Variants in DENND5B observed in about 807,000 individuals in gnomAD.
DENND5B encodes the protein DENN domain-containing protein 5B.
Under a neutral mutation model 140.6 loss-of-function variants are expected in DENND5B, and 34 were observed. The observed-to-expected ratio is 0.24, with a 90% CI of 0.18 to 0.32. The LOEUF (loss-of-function observed/expected upper bound fraction) is 0.32. Ranked by LOEUF, DENND5B falls within the 10% of genes least tolerant of loss-of-function variation. The pLI is 1.00. For synonymous variants in DENND5B, 551 were observed against 562.1 expected (o/e 0.98, Z 0.28); for missense variants, 1,142 against 1,560.2 (o/e 0.73, Z 4.52).
intron 8 of DENND5B, 42 bp from the exon 9 acceptor site, chr12:31,426,466 A>T (rs780875474): frequency 6.3e-7 from 1 of 1,578,714 alleles, no homozygotes; most frequent in Admixed American, 1.8e-5. Flanking sequence ...AACATTAGCT[A>T]TTCTTCTAAT....
At position 31,580,398 on chromosome 12, in the gene DENND5B, T is replaced by TAA. The variant is rs1950176833; in HGVS notation, c.127+10307_127+10308insTT. ...CACAAAGCTGTTAGATACCTTTTTT[T>TAA]AGAAATCATTTATCCATTATCTTGC... On this transcript the variant is annotated intron_variant, in intron 1 of 20. Transcript: ENST00000389082. 6.6e-5 allele frequency among the ~76,000 whole-genome samples: 10 copies of TAA among 152,342 alleles called. 1 individual carries two copies. The South Asian group carries it at 2.1e-3, about 32-fold the overall frequency.
chr12:31,460,058 T>C (rs1466958347), intron 4 of DENND5B, 136 bp downstream of exon 4: 2 of 808,924 alleles, frequency 2.5e-6, no homozygotes, highest in Non-Finnish European at 3.8e-6. Context: ...GCTCAGGCTC[T>C]CCCCTAGCCA....
intron 1 of DENND5B, among the ~76,000 whole-genome samples, chr12:31,539,406 GACATATT>G (rs1054803889): frequency 1.1e-4 from 17 of 151,718 alleles, no homozygotes; most frequent in Non-Finnish European, 2.1e-4. Flanking sequence ...CAAAATCAAA[GACATATT>G]ACATATTAAA....
At chr12:31,473,719 G>A (rs776936995) in intron 3 of DENND5B, among the ~76,000 whole-genome samples, 13 of 152,170 alleles carry the variant, frequency 8.5e-5, no homozygotes, top group Admixed American at 6.5e-5. Context: ...ATAAAACAAT[G>A]CTGAAACTTG....
intron 1 of DENND5B, among the ~76,000 whole-genome samples, chr12:31,546,863 C>T (rs1592021790): frequency 6.6e-6 from 1 of 152,214 alleles, no homozygotes; most frequent in East Asian, 1.9e-4. Flanking sequence ...ATTCGACAAC[C>T]GCAACCAAAA....
chr12:31,570,290 T>C (rs1322020635), intron 1 of DENND5B, among the ~76,000 whole-genome samples: 5 of 151,446 alleles, frequency 3.3e-5, no homozygotes, highest in Admixed American at 6.6e-5. Flanking sequence ...TTTTTTTTTT[T>C]TTAAGAGACG....
intron 1 of DENND5B, among the ~76,000 whole-genome samples, chr12:31,587,464 A>G (rs1411389036): frequency 6.9e-6 from 1 of 145,870 alleles, no homozygotes; most frequent in African/African-American, 2.5e-5. Context: ...TTCAACATCT[A>G]TCTAGAATCT....
intron 6 of DENND5B, 139 bp downstream of exon 6, chr12:31,447,399 A>G (rs763097008): frequency 6.9e-6 from 5 of 725,896 alleles, no homozygotes; most frequent in Non-Finnish European, 1.1e-5. Flanking sequence ...AAAATTTACA[A>G]AGCATTTCGT....
rs1049241465 is a variant in DENND5B at position 31,382,320 on chromosome 12, A to T, written c.*5283T>A. 1 of 152,182 alleles carries T rather than the reference A, an allele frequency of 6.6e-6. No homozygotes were observed. The highest frequency in any genetic ancestry group is 6.5e-5 in the Admixed American group (1 of 15,270). 9.4% of individuals were successfully genotyped at this position (152,182 alleles called of 1,614,324 possible). A position where few individuals can be genotyped will look rare whatever the true frequency, so the allele number is the denominator to read the frequency against. ...TGAAAAACCCACGTCAGTTTGTCTG[A>T]TATGTATGTTAAAGTGCTTAATATC... On this transcript the variant is annotated 3_prime_UTR_variant, in exon 21 of 21. Transcript: ENST00000389082.
chr12:31,552,571 G>T (rs919011771), intron 1 of DENND5B, among the ~76,000 whole-genome samples: 4 of 152,174 alleles, frequency 2.6e-5, no homozygotes, highest in African/African-American at 9.7e-5. Context: ...GATGATGCTG[G>T]CCTCATAAAA....
intron 1 of DENND5B, among the ~76,000 whole-genome samples, chr12:31,566,003 G>A (rs891081211): frequency 2.6e-5 from 4 of 151,936 alleles, no homozygotes; most frequent in East Asian, 1.9e-4. Context: ...AAATTAGCTG[G>A]GCATGGTGGC....
chr12:31,461,244 T>C (rs1358436062), intron 3 of DENND5B, among the ~76,000 whole-genome samples: 1 of 152,182 alleles, frequency 6.6e-6, no homozygotes, highest in Admixed American at 6.5e-5. Context: ...TTTTAGCCTT[T>C]ATTTTGGGGG....
chr12:31,438,884 A>C (rs562816204), intron 7 of DENND5B, among the ~76,000 whole-genome samples: 48 of 152,336 alleles, frequency 3.2e-4, no homozygotes, highest in African/African-American at 1.1e-3. Context: ...AACGAAAAGG[A>C]AGGCACAAAA....
rs1196865857 is a variant in DENND5B at position 31,389,404 on chromosome 12, G to A, written c.3561C>T (p.His1187=). 2 of 1,612,712 alleles carry A rather than the reference G, an allele frequency of 1.2e-6. No homozygotes were observed. Among genetic ancestry groups the A allele is most frequent in the African/African-American group, 2.7e-5 (2 of 74,914 alleles). The change falls in exon 20 of 21, where the codon CAC becomes CAT. Residue 1187 remains histidine, a synonymous_variant. Coordinates refer to ENST00000389082, the MANE Select transcript of DENND5B (RefSeq NM_144973.4). ...GTGCAGTATTAATAGCATTTACGTA[G>A]TGGCAGAAGGTTTTGCAGGATGATT... The part of the protein sequence containing the change: ...IQKSSCKTFC[H]YVNAINTAPR...
intron 11 of DENND5B, among the ~76,000 whole-genome samples, chr12:31,416,178 A>T (rs1006016385): frequency 6.6e-6 from 1 of 152,040 alleles, no homozygotes; most frequent in Non-Finnish European, 1.5e-5. Context: ...TGCTTTTGGA[A>T]ATTTTAAATG....
At chr12:31,446,310 G>A (rs1245103876) in intron 6 of DENND5B, among the ~76,000 whole-genome samples, 2 of 151,868 alleles carry the variant, frequency 1.3e-5, no homozygotes, top group African/African-American at 4.8e-5. Context: ...CACCACACCT[G>A]GCTAATTTTT....
At chr12:31,502,618 A>C (rs1947053020) in intron 1 of DENND5B, among the ~76,000 whole-genome samples, 1 of 152,116 alleles carries the variant, frequency 6.6e-6, no homozygotes, top group South Asian at 2.1e-4. Flanking sequence ...CTTTCTTTTA[A>C]ATAGTCAATA....
At chr12:31,419,002 C>T (rs1413899192) in intron 11 of DENND5B, among the ~76,000 whole-genome samples, 1 of 152,052 alleles carries the variant, frequency 6.6e-6, no homozygotes, top group Non-Finnish European at 1.5e-5. Flanking sequence ...GAAATGAATG[C>T]AGTAATTTAT....
At chr12:31,416,239 A>G (rs997801143) in intron 11 of DENND5B, among the ~76,000 whole-genome samples, 3 of 152,098 alleles carry the variant, frequency 2.0e-5, no homozygotes, top group African/African-American at 4.8e-5. Flanking sequence ...AATTTTGGCC[A>G]TAAGGACCAG....
Sources: allele counts gnomAD v4.1 joint callset (sites outside exome capture counted in the v4.1 genomes callset), GRCh38; gene constraint gnomAD v4.1.1; transcripts MANE v1.5; gene names NCBI Gene and HGNC (gene_info 2026-07-23, HGNC 2026-07-21).